ZNF778: variants seen among roughly 807,000 people sequenced by gnomAD.
ZNF778 encodes the protein zinc finger protein 778.
Under a neutral mutation model 23.9 loss-of-function variants are expected in ZNF778, and 37 were observed. That is an observed-to-expected ratio of 1.54 (90% CI 1.19 to 2.03). The LOEUF is 2.03. ZNF778 is among the 30% of genes most tolerant of loss of function. ZNF778 has a pLI of 0.00. For missense variants in ZNF778, 1,297 were observed against 934.4 expected (o/e 1.39, Z -5.06); for synonymous variants, 483 against 343.9 (o/e 1.40, Z -4.48).
chr16:89,232,683 C>A lies in ZNF778; in HGVS notation c.*4121C>A. 1.6e-6 allele frequency: 2 copies of A among 1,239,402 alleles called. No homozygotes were observed. Among genetic ancestry groups the A allele is most frequent in the South Asian group, 1.4e-5 (1 of 73,466 alleles). 76.8% of individuals were successfully genotyped at this position (1,239,402 alleles called of 1,614,324 possible). A position where few individuals can be genotyped will look rare whatever the true frequency, so the allele number is the denominator to read the frequency against. On this transcript the variant is annotated 3_prime_UTR_variant, in exon 7 of 7. Coordinates refer to ENST00000433976, the MANE Select transcript of ZNF778 (RefSeq NM_001201407.2). ...TTAGGGTACATTTTCATCCTGGGGT[C>A]TTGCTGTGGGGGCTAGACCGTCCCT...
At chr16:89,220,696 C>T (rs1567495749) in intron 1 of ZNF778, among the ~76,000 whole-genome samples, 1 of 152,124 alleles carries the variant, frequency 6.6e-6, no homozygotes, top group Non-Finnish European at 1.5e-5. Flanking sequence ...CGAACATGTA[C>T]CAGCTAACCG....
chr16:89,233,803 A>G lies in ZNF778; in HGVS notation c.*5241A>G, dbSNP rs1042095619. 25 of 1,290,548 alleles carry G rather than the reference A, an allele frequency of 1.9e-5. No individual in the cohort carries two copies. The highest frequency in any genetic ancestry group is 9.1e-5 in the African/African-American group (6 of 65,968). The allele number at this position is 1,290,548 out of a possible 1,614,324, so 79.9% of individuals were successfully genotyped here. On this transcript the variant is annotated 3_prime_UTR_variant, in exon 7 of 7. Transcript: ENST00000433976. Reference sequence around the variant, plus strand: ...GCACTGCGTATGCAACTCAGCTCGCACTGCGTATGCAACTCAACTGTTGCA... The same window carrying G: ...GCACTGCGTATGCAACTCAGCTCGCGCTGCGTATGCAACTCAACTGTTGCA...
chr16:89,228,488 T>G lies in ZNF778; in HGVS notation c.2200T>G (p.Cys734Gly). Reference sequence around the variant, plus strand: ...AGAGCAGGTTTTTGTATGTAAGGACTGTGGAAAATCTTTTAAGAATTCCTC... The same window carrying G: ...AGAGCAGGTTTTTGTATGTAAGGACGGTGGAAAATCTTTTAAGAATTCCTC... ...TEEQVFVCKD[C>G]GKSFKNSSCL... The change falls in exon 7 of 7, where the codon TGT (cysteine) becomes GGT (glycine). Residue 734 changes from cysteine to glycine, a missense_variant. By Grantham distance (159) the Cys-to-Gly change is radical. Transcript: ENST00000433976. 6.2e-7 allele frequency: 1 copy of G among 1,610,330 alleles called. No homozygotes were observed. The highest frequency in any genetic ancestry group is 8.5e-7 in the Non-Finnish European group (1 of 1,178,900).
chr16:89,223,969 A>T (rs1567500341), intron 4 of ZNF778, among the ~76,000 whole-genome samples: 1 of 152,004 alleles, frequency 6.6e-6, no homozygotes, highest in Non-Finnish European at 1.5e-5. Context: ...CAGGGCTGTA[A>T]TCCCAGCACT....
chr16:89,221,713 C>G (rs1436147371), intron 2 of ZNF778, among the ~76,000 whole-genome samples: 2 of 149,484 alleles, frequency 1.3e-5, no homozygotes, highest in Non-Finnish European at 3.0e-5. Flanking sequence ...TTTCCTGAGG[C>G]ACTGTATGGC....
In ZNF778 at chr16:89,227,551, T is replaced by C. The variant is rs1487729552; in HGVS notation, c.1263T>C (p.Tyr421=). The part of the protein sequence containing the change: ...HVRIHTGIKP[Y]TCSYCGKAFT... ...GAATTCACACTGGAATAAAACCCTATACATGCAGCTACTGTGGGAAGGCCT... is the reference window on the plus strand; with the variant it reads ...GAATTCACACTGGAATAAAACCCTACACATGCAGCTACTGTGGGAAGGCCT... Residue 421 remains tyrosine, a synonymous_variant, in exon 7 of 7, where the codon TAT becomes TAC. Coordinates refer to ENST00000433976, the MANE Select transcript of ZNF778 (RefSeq NM_001201407.2). 1.9e-6 allele frequency: 3 copies of C among 1,614,134 alleles called. No homozygotes were observed. Among genetic ancestry groups the C allele is most frequent in the South Asian group, 2.2e-5 (2 of 91,072 alleles).
intron 3 of ZNF778, among the ~76,000 whole-genome samples, chr16:89,222,584 G>C (rs1419052965): frequency 6.6e-6 from 1 of 152,186 alleles, no homozygotes; most frequent in African/African-American, 2.4e-5. Context: ...GGCTGGTCTT[G>C]AACTGCTGAT....
intron 1 of ZNF778, among the ~76,000 whole-genome samples, chr16:89,219,029 C>T (rs1322486955): frequency 6.6e-6 from 1 of 151,958 alleles, no homozygotes; most frequent in Non-Finnish European, 1.5e-5. Flanking sequence ...ATCGCTTGAA[C>T]CTGGGTGGCA....
rs113764250 is a variant in ZNF778, at chr16:89,226,841, C to A, written c.553C>A (p.Pro185Thr). Residue 185 changes from proline (P) to threonine (T), a missense_variant, in exon 7 of 7, where the codon CCA (proline) becomes ACA (threonine). By Grantham distance (38) the Pro-to-Thr change is conservative (BLOSUM62 -1). Coordinates refer to ENST00000433976, the MANE Select transcript of ZNF778 (RefSeq NM_001201407.2). ...SNHYERDFFIPCQKTLFKIGE... is the reference protein window; with the variant it reads ...SNHYERDFFITCQKTLFKIGE... ...TCATTATGAAAGGGACTTTTTTATTCCATGCCAGAAAACCTTGTTCAAAAT... is the reference window on the plus strand; with the variant it reads ...TCATTATGAAAGGGACTTTTTTATTACATGCCAGAAAACCTTGTTCAAAAT... 1.2e-6 allele frequency: 2 copies of A among 1,613,950 alleles called. No homozygotes were observed. The highest frequency in any genetic ancestry group is 1.1e-5 in the South Asian group (1 of 91,074).
chr16:89,219,853 A>G (rs1288235479), intron 1 of ZNF778, among the ~76,000 whole-genome samples: 2 of 152,254 alleles, frequency 1.3e-5, no homozygotes, highest in African/African-American at 4.8e-5. Flanking sequence ...TTTTTTGGTT[A>G]TAGGTGTCAT....
At chr16:89,226,498 C>G (rs890838653) in intron 6 of ZNF778, among the ~76,000 whole-genome samples, 196 bp from the exon 7 acceptor site, 9 of 152,200 alleles carry the variant, frequency 5.9e-5, no homozygotes, top group African/African-American at 1.9e-4. Flanking sequence ...AGCTGCTGCG[C>G]CCGTCCTGAT....
intron 1 of ZNF778, among the ~76,000 whole-genome samples, chr16:89,220,311 C>T (rs1017467613): frequency 6.6e-6 from 1 of 152,322 alleles, no homozygotes; most frequent in East Asian, 1.9e-4. Context: ...AAGTACAGCT[C>T]TAGACCTACC....
chr16:89,220,977 T>G lies in ZNF778; in HGVS notation c.-131-20T>G. ...AGGTTTGATAACTGGGAAGTAATGC[T>G]TCTTCATCATGATTGCTAGGAAATA... On this transcript the variant is annotated intron_variant, in intron 1 of 6. Coordinates refer to ENST00000433976, the MANE Select transcript of ZNF778 (RefSeq NM_001201407.2). 1 of 783,846 alleles carries G rather than the reference T, an allele frequency of 1.3e-6. No homozygotes were observed. The highest frequency in any genetic ancestry group is 2.1e-6 in the Non-Finnish European group (1 of 485,760). The allele number at this position is 783,846 out of a possible 1,614,324, so 48.6% of individuals were successfully genotyped here. A position where few individuals can be genotyped will look rare whatever the true frequency, so the allele number is the denominator to read the frequency against.
rs533106857 is a variant in ZNF778, at chr16:89,229,479, C to A, written c.*917C>A. 281 of 978,158 alleles carry A rather than the reference C, an allele frequency of 2.9e-4. 26 individuals are homozygous for A. The African/African-American group carries it at 4.9e-3, about 17-fold the overall frequency. 60.6% of individuals were successfully genotyped at this position (978,158 alleles called of 1,614,324 possible). The stretch of plus-strand genomic sequence containing the variant: ...TGTGATTCTGTGTGAGCAGCGTAGG[C>A]TCTGGTTGGTTAGTCTTGAGGATCC... On this transcript the variant is annotated 3_prime_UTR_variant, in exon 7 of 7. Coordinates refer to ENST00000433976, the MANE Select transcript of ZNF778 (RefSeq NM_001201407.2).
At position 89,235,913 on chromosome 16, in the gene ZNF778, C is replaced by G. The variant is rs1305798742; in HGVS notation, c.*7351C>G. The G allele has an allele frequency of 6.6e-6, 1 of 151,164 alleles. No individual in the cohort carries two copies. Among genetic ancestry groups the G allele is most frequent in the East Asian group, 1.9e-4 (1 of 5,182 alleles). The allele number at this position is 151,164 out of a possible 1,614,324, so 9.4% of individuals were successfully genotyped here. A position where few individuals can be genotyped will look rare whatever the true frequency, so the allele number is the denominator to read the frequency against. The stretch of plus-strand genomic sequence containing the variant: ...GTGGCTCACACCTGTAATCCCAGCA[C>G]TTTGGGAGGCCGAGGTGGGCGGATC... On this transcript the variant is annotated 3_prime_UTR_variant, in exon 7 of 7. Coordinates refer to ENST00000433976, the MANE Select transcript of ZNF778 (RefSeq NM_001201407.2).
Position 89,230,173 on chromosome 16 carries a change from TC to T in ZNF778, c.*1614del. ...TTTTATGAAAATGCCCTTGTTCCTC[TC>T]CCATACCTGATCCCTTCAGATAAAA... On this transcript the variant is annotated 3_prime_UTR_variant, in exon 7 of 7. Coordinates refer to ENST00000433976, the MANE Select transcript of ZNF778 (RefSeq NM_001201407.2). 1 of 498,030 alleles carries T rather than the reference TC, an allele frequency of 2.0e-6. No homozygotes were observed. Among genetic ancestry groups the T allele is most frequent in the Non-Finnish European group, 2.6e-6 (1 of 385,548 alleles). The allele number at this position is 498,030 out of a possible 1,614,324, so 30.9% of individuals were successfully genotyped here. A position where few individuals can be genotyped will look rare whatever the true frequency, so the allele number is the denominator to read the frequency against.
rs1326576788 is a variant in ZNF778 at position 89,230,543 on chromosome 16, C to G, written c.*1981C>G. ...AGCTGCTGCTTGTGTGTGTGCTGCT[C>G]CTTTGTGTACCATGAAAACAGACCA... On this transcript the variant is annotated 3_prime_UTR_variant, in exon 7 of 7. Transcript: ENST00000433976. The G allele has an allele frequency of 6.6e-6, 1 of 152,214 alleles. No individual in the cohort carries two copies. The highest frequency in any genetic ancestry group is 1.9e-4 in the East Asian group (1 of 5,194). The allele number at this position is 152,214 out of a possible 1,614,324, so 9.4% of individuals were successfully genotyped here. A position where few individuals can be genotyped will look rare whatever the true frequency, so the allele number is the denominator to read the frequency against.
rs1389194306 is a variant in ZNF778 at position 89,228,446 on chromosome 16, T to A, written c.2158T>A (p.Leu720Ile). 3.1e-6 allele frequency: 5 copies of A among 1,613,772 alleles called. No homozygotes were observed. Among genetic ancestry groups the A allele is most frequent in the Non-Finnish European group, 4.2e-6 (5 of 1,179,864 alleles). The part of the protein sequence containing the change: ...YNRFYLLKEH[L>I]KTYTEEQVFV... ...TAGGTTTTATCTACTAAAAGAACAT[T>A]TAAAAACTTACACTGAAGAGCAGGT... The change falls in exon 7 of 7, where the codon TTA (leucine) becomes ATA (isoleucine). Residue 720 changes from leucine to isoleucine, a missense_variant. Physicochemically the swap from Leu to Ile is conservative, Grantham distance 5 (BLOSUM62 2). Transcript: ENST00000433976.
chr16:89,221,247 G>A (rs1215713754), intron 2 of ZNF778, 95 bp downstream of exon 2: 8 of 1,403,880 alleles, frequency 5.7e-6, no homozygotes, highest in South Asian at 1.3e-5. Flanking sequence ...GAGTAGTCAC[G>A]CTCCGGGTTC....
Sources: allele counts gnomAD v4.1 joint callset (sites outside exome capture counted in the v4.1 genomes callset), GRCh38; gene constraint gnomAD v4.1.1; transcripts MANE v1.5; gene names NCBI Gene and HGNC (gene_info 2026-07-23, HGNC 2026-07-21).